Variants in C5orf47 observed in about 807,000 individuals in gnomAD.
C5orf47 encodes uncharacterized protein C5orf47.
In C5orf47, 20 loss-of-function variants were observed where a neutral mutation model predicts 20.6. That is an observed-to-expected ratio of 0.97 (90% CI 0.68 to 1.41). The LOEUF (loss-of-function observed/expected upper bound fraction) is 1.41, where lower values mean the gene tolerates loss of function less well. Among genes scored for constraint, C5orf47 ranks in the 40% most tolerant of loss-of-function variants. The pLI, the probability that C5orf47 is intolerant of heterozygous loss-of-function variation, is 0.00. For missense variants in C5orf47, 262 were observed against 238.4 expected, an observed-to-expected ratio of 1.10 and a Z score of -0.65; for synonymous variants, 106 against 97.3, an observed-to-expected ratio of 1.09 and a Z score of -0.53.
chr5:174,008,354 C>G (rs1405443650), downstream of C5orf47, among the ~76,000 whole-genome samples: 2 of 152,208 alleles, frequency 1.3e-5, no homozygotes, highest in African/African-American at 4.8e-5. Flanking sequence ...TGCAGTAGTT[C>G]CAGGCTGTGG....
intron 1 of C5orf47, 110 bp downstream of exon 1, chr5:173,989,698 C>T (rs1462605078): frequency 3.0e-6 from 3 of 1,008,242 alleles, no homozygotes; most frequent in Non-Finnish European, 4.0e-6. Context: ...GGGCAGCTTT[C>T]CTGTCAGGCC....
chr5:173,989,501 A>AT lies in C5orf47; in HGVS notation c.238_239insT (p.Thr80IlefsTer38). 6.5e-7 allele frequency: 1 copy of AT among 1,543,736 alleles called. No individual in the cohort carries two copies. The highest frequency in any genetic ancestry group is 8.7e-7 in the Non-Finnish European group (1 of 1,144,086). On this transcript the variant is annotated frameshift_variant, in exon 1 of 5. Transcript: ENST00000340147. LOFTEE classifies it high-confidence loss of function. ...CGGTTCCCAGCTCAGGGTCCCCACG[A>AT]CCCCTGGTGTGGAGGCTGCGGCCTC...
chr5:174,008,758 G>A (rs377194520), downstream of C5orf47, among the ~76,000 whole-genome samples: 251 of 151,390 alleles, frequency 1.7e-3, 1 homozygote, highest in African/African-American at 5.7e-3. Context: ...GCATGAACCC[G>A]GGAGGCGGAG....
At chr5:173,997,318 T>C (rs990388904) in intron 1 of C5orf47, among the ~76,000 whole-genome samples, 24 of 152,268 alleles carry the variant, frequency 1.6e-4, no homozygotes, top group African/African-American at 5.3e-4. Context: ...AGAGCCAATA[T>C]AAAGGCTTTC....
At chr5:174,000,366 G>A (rs936342843) in intron 3 of C5orf47, among the ~76,000 whole-genome samples, 1 of 152,072 alleles carries the variant, frequency 6.6e-6, no homozygotes, top group Non-Finnish European at 1.5e-5. Flanking sequence ...ATGTAGTCTG[G>A]TGTGTTTATC....
chr5:174,009,338 G>A (rs6556101), downstream of C5orf47, among the ~76,000 whole-genome samples: 35,788 of 151,354 alleles, frequency 0.24, 6,292 homozygotes, highest in African/African-American at 0.49. Context: ...TCTGTTTTCA[G>A]TTTCTTTCAT....
chr5:173,996,656 TTTAAC>T (rs1176155567), intron 1 of C5orf47, among the ~76,000 whole-genome samples: 3 of 152,218 alleles, frequency 2.0e-5, no homozygotes, highest in Non-Finnish European at 2.9e-5. Context: ...CATTTTCCCT[TTTAAC>T]TAAATTTCTT....
At chr5:173,999,178 G>T (rs1759151906) in intron 2 of C5orf47, among the ~76,000 whole-genome samples, 1 of 152,134 alleles carries the variant, frequency 6.6e-6, no homozygotes, top group African/African-American at 2.4e-5. Context: ...AAATGGCAAA[G>T]CTAGAATTTG....
chr5:173,998,150 T>C lies in C5orf47; in HGVS notation c.326-3T>C. On this transcript the variant is annotated splice_region_variant and splice_polypyrimidine_tract_variant and intron_variant, in intron 1 of 4. Transcript: ENST00000340147. ...ACCTTTTCACTTTCTTCTTAAAAATTAGGTTTAATCCAGAAGGATGCAGCT... is the reference window on the plus strand; with the variant it reads ...ACCTTTTCACTTTCTTCTTAAAAATCAGGTTTAATCCAGAAGGATGCAGCT... The C allele has an allele frequency of 6.7e-7, 1 of 1,502,266 alleles. No individual in the cohort carries two copies. The highest frequency in any genetic ancestry group is 9.0e-7 in the Non-Finnish European group (1 of 1,109,786). 93.1% of individuals were successfully genotyped at this position (1,502,266 alleles called of 1,614,324 possible).
downstream of C5orf47, among the ~76,000 whole-genome samples, chr5:174,007,230 C>T (rs1759306340): frequency 6.6e-6 from 1 of 152,098 alleles, no homozygotes; most frequent in Non-Finnish European, 1.5e-5. Flanking sequence ...AAAACTGCCT[C>T]CTTTCTCCCA....
chr5:174,003,772 C>G (rs1243841234), intron 4 of C5orf47, among the ~76,000 whole-genome samples: 2 of 152,028 alleles, frequency 1.3e-5, no homozygotes, highest in Non-Finnish European at 2.9e-5. Context: ...AGGAGGGAGA[C>G]ATGAAATTCG....
rs2113370193 is a variant in C5orf47, at chr5:173,999,771, G to T, written c.483G>T (p.Arg161Ser). Reference protein sequence around the residue: ...MLEENEKYRHRLKCQRLSSES... With the variant: ...MLEENEKYRHSLKCQRLSSES... ...AAGAAAATGAAAAATATAGACACAG[G>T]CTGAAATGCCAAAGGTTATCTAGTG... The change falls in exon 3 of 5, where the codon AGG (arginine) becomes AGT (serine). Residue 161 changes from arginine (R) to serine (S), a missense_variant. Transcript: ENST00000340147. 1 of 1,535,246 alleles carries T rather than the reference G, an allele frequency of 6.5e-7. No individual in the cohort carries two copies. The highest frequency in any genetic ancestry group is 2.5e-5 in the East Asian group (1 of 40,686).
chr5:173,989,685 T>C, intron 1 of C5orf47, 97 bp downstream of exon 1: 1 of 1,099,040 alleles, frequency 9.1e-7, no homozygotes, highest in Non-Finnish European at 1.2e-6. Flanking sequence ...CGCAGGAGGC[T>C]GGGGGCAGCT....
chr5:173,994,959 G>C (rs892497303), intron 1 of C5orf47, among the ~76,000 whole-genome samples: 2 of 152,020 alleles, frequency 1.3e-5, no homozygotes, highest in Non-Finnish European at 2.9e-5. Context: ...GACCACAGGC[G>C]TGTGCCACCA....
intron 1 of C5orf47, among the ~76,000 whole-genome samples, chr5:173,995,615 C>T (rs1759075334): frequency 6.6e-6 from 1 of 152,210 alleles, no homozygotes; most frequent in Non-Finnish European, 1.5e-5. Context: ...GTAATACATG[C>T]AGAGTGCCTA....
downstream of C5orf47, among the ~76,000 whole-genome samples, chr5:174,008,604 C>T (rs185131029): frequency 9.2e-5 from 14 of 151,776 alleles, no homozygotes; most frequent in South Asian, 2.1e-4. Flanking sequence ...AGGCTGAGGC[C>T]GGTGGATCAC....
intron 1 of C5orf47, among the ~76,000 whole-genome samples, chr5:173,993,539 G>A (rs2113360811): frequency 6.6e-6 from 1 of 152,324 alleles, no homozygotes; most frequent in South Asian, 2.1e-4. Context: ...AGCTACTGGG[G>A]AGGCTGAGTC....
chr5:173,990,949 A>G (rs534242229), intron 1 of C5orf47, among the ~76,000 whole-genome samples: 6 of 152,166 alleles, frequency 3.9e-5, no homozygotes, highest in Non-Finnish European at 7.3e-5. Flanking sequence ...CACATATTCA[A>G]CCATCACCAT....
downstream of C5orf47, among the ~76,000 whole-genome samples, chr5:174,007,373 G>A (rs1759307915): frequency 6.6e-6 from 1 of 152,174 alleles, no homozygotes; most frequent in Non-Finnish European, 1.5e-5. Flanking sequence ...TAATTGAATA[G>A]TAGCTCTGAA....
Sources: gnomAD v4.1 joint callset for allele counts (sites outside exome capture counted in the v4.1 genomes callset) on GRCh38, gnomAD v4.1.1 for gene constraint, MANE v1.5 for transcripts, NCBI Gene and HGNC (gene_info 2026-07-23, HGNC 2026-07-21) for gene names.